The following PDE4D variants were observed in gnomAD, a reference collection of about 807,000 sequenced individuals.
The protein encoded by PDE4D is phosphodiesterase 4D.
Under a neutral mutation model 87.4 loss-of-function variants are expected in PDE4D, and 24 were observed. The observed-to-expected ratio is 0.27, with a 90% CI of 0.20 to 0.39. The LOEUF is 0.39. PDE4D is among the 10% of genes least tolerant of loss of function. PDE4D has a pLI of 1.00. For missense variants in PDE4D, 714 were observed against 1,041.0 expected (o/e 0.69, Z 4.32); for synonymous variants, 384 against 383.2 (o/e 1.00, Z -0.02).
intron 1 of PDE4D, among the ~76,000 whole-genome samples, chr5:59,737,376 C>T (rs1013023550): frequency 3.9e-5 from 6 of 151,936 alleles, no homozygotes; most frequent in South Asian, 4.1e-4. Flanking sequence ...GTAATTCATG[C>T]GTATTGGACA....
chr5:59,772,994 A>G (rs1763729679), intron 1 of PDE4D, among the ~76,000 whole-genome samples: 1 of 152,232 alleles, frequency 6.6e-6, no homozygotes, highest in East Asian at 1.9e-4. Context: ...AGCTATTGCA[A>G]AAGAATGCTA....
chr5:59,941,704 C>T lies in PDE4D; in HGVS notation c.272+46784G>A, dbSNP rs144046133. On this transcript the variant is annotated intron_variant, in intron 3 of 16. Coordinates refer to the PDE4D transcript ENST00000502484. ...TGGAGAGGTTCTTCCTGCATGACTG[C>T]ATGAAACTCCCACTCTAGGAGCTTA... Among the ~76,000 whole-genome samples the T allele has an allele frequency of 7.9e-3, 1,200 of 152,334 alleles. 15 individuals are homozygous for T. The highest frequency in any genetic ancestry group is 0.027 in the African/African-American group (1,140 of 41,564).
chr5:60,294,066 A>G (rs566172487), intron 1 of PDE4D, among the ~76,000 whole-genome samples: 3 of 152,326 alleles, frequency 2.0e-5, no homozygotes, highest in African/African-American at 7.2e-5. Context: ...GTAAGAGTTC[A>G]GTGGTTCTAA....
intron 1 of PDE4D, among the ~76,000 whole-genome samples, chr5:59,554,471 G>T (rs902418896): frequency 1.3e-5 from 2 of 152,094 alleles, no homozygotes; most frequent in East Asian, 3.9e-4. Context: ...TTTAACTCTA[G>T]ACTCTAAGCT....
intron 1 of PDE4D, among the ~76,000 whole-genome samples, chr5:60,497,397 T>G (rs889353389): frequency 2.0e-5 from 3 of 152,080 alleles, no homozygotes; most frequent in Non-Finnish European, 4.4e-5. Context: ...GTCTTTCTTT[T>G]TTTTTGTTTT....
intron 1 of PDE4D, among the ~76,000 whole-genome samples, chr5:59,860,169 A>C (rs1746046728): frequency 6.6e-6 from 1 of 152,160 alleles, no homozygotes; most frequent in South Asian, 2.1e-4. Context: ...AATGGCTCTC[A>C]TGGCTTTTTA....
chr5:59,913,103 T>C (rs918115093), intron 3 of PDE4D, among the ~76,000 whole-genome samples: 1 of 151,974 alleles, frequency 6.6e-6, no homozygotes, highest in African/African-American at 2.4e-5. Flanking sequence ...TGGTAAGCCA[T>C]TACAGGGAAA....
At chr5:60,460,199 A>C in intron 1 of PDE4D, 2 of 1,513,070 alleles carry the variant, frequency 1.3e-6, no homozygotes, top group South Asian at 1.1e-5. Flanking sequence ...CCAGATGAAC[A>C]TTTCATCAAA....
chr5:59,507,678 A>AG (rs1316700101), intron 1 of PDE4D, among the ~76,000 whole-genome samples: 1,832 of 148,552 alleles, frequency 0.012, 29 homozygotes, highest in African/African-American at 0.042. Flanking sequence ...AAAAAAAAAA[A>AG]AAAAAGAAAA....
chr5:59,616,939 A>ATATATATATATATATATATC (rs1487386117), intron 1 of PDE4D, among the ~76,000 whole-genome samples: 1 of 135,676 alleles, frequency 7.4e-6, no homozygotes, highest in Non-Finnish European at 1.6e-5. Context: ...ATATATATAT[A>ATATATATATATATATATATC]TATATATCTC....
intron 1 of PDE4D, among the ~76,000 whole-genome samples, chr5:60,443,141 T>C (rs1254432832): frequency 6.6e-6 from 1 of 152,130 alleles, no homozygotes; most frequent in Non-Finnish European, 1.5e-5. Flanking sequence ...GTTTCAAGTG[T>C]TATCAAGAGG....
At chr5:59,240,437 G>A (rs1757401435) in intron 1 of PDE4D, among the ~76,000 whole-genome samples, 1 of 152,104 alleles carries the variant, frequency 6.6e-6, no homozygotes, top group Non-Finnish European at 1.5e-5. Flanking sequence ...TTGCACCTGT[G>A]CTCACCCACT....
chr5:59,391,071 G>C (rs1788141150), intron 1 of PDE4D, among the ~76,000 whole-genome samples: 1 of 152,124 alleles, frequency 6.6e-6, no homozygotes, highest in South Asian at 2.1e-4. Flanking sequence ...CAGAGGAATA[G>C]AGATTTCCCA....
intron 2 of PDE4D, among the ~76,000 whole-genome samples, chr5:60,094,779 G>T (rs2149318104): frequency 6.6e-6 from 1 of 151,960 alleles, no homozygotes; most frequent in South Asian, 2.1e-4. Flanking sequence ...ACCTTGATTT[G>T]AGACTCCTAG....
intron 1 of PDE4D, among the ~76,000 whole-genome samples, chr5:59,679,197 G>A (rs1748618177): frequency 1.3e-5 from 2 of 152,100 alleles, no homozygotes; most frequent in South Asian, 4.1e-4. Context: ...CAATCAGGAA[G>A]GAACAATAAA....
Position 58,977,202 on chromosome 5 carries a change from C to T in PDE4D, c.1696G>A (p.Val566Ile), listed in dbSNP as rs777826248. 1 of 1,610,040 alleles carries T rather than the reference C, an allele frequency of 6.2e-7. No individual in the cohort carries two copies. Among genetic ancestry groups the T allele is most frequent in the Non-Finnish European group, 8.5e-7 (1 of 1,178,872 alleles). ...KKQRQSLRKMVIDIVLATDMS... is the reference protein window; with the variant it reads ...KKQRQSLRKMIIDIVLATDMS... ...TATCAGCTACTTACGATGTCAATGA[C>T]CATTTTCCTTAAAGATTGTCTTTGT... Residue 566 changes from valine to isoleucine, a missense_variant, in exon 12 of 15, where the codon GTC (valine) becomes ATC (isoleucine). By Grantham distance (29) the Val-to-Ile change is conservative. This residue lies in a region of PDE4D where 26 missense variants were observed against 96.9 expected (regional missense o/e 0.27). Transcript: ENST00000340635.
At position 60,469,151 on chromosome 5, in the gene PDE4D, AC is replaced by A. The variant is rs1747623514; in HGVS notation, c.-90+18790del. Among the ~76,000 whole-genome samples, 4 of 152,130 alleles carry A rather than the reference AC, an allele frequency of 2.6e-5. No homozygotes were observed. In the South Asian group the frequency reaches 8.3e-4, roughly 32 times the overall value. On this transcript the variant is annotated intron_variant, in intron 1 of 16. Transcript: ENST00000502484. The stretch of plus-strand genomic sequence containing the variant: ...GCATCTGTCCTCACCAAGCCAATGA[AC>A]CATTCTCACTATGGTCACTAAGAAA...
chr5:60,182,971 T>A (rs551051126), intron 2 of PDE4D, among the ~76,000 whole-genome samples: 1 of 151,842 alleles, frequency 6.6e-6, no homozygotes, highest in African/African-American at 2.4e-5. Context: ...TAACCCCCAA[T>A]GTGATGGTTT....
intron 1 of PDE4D, among the ~76,000 whole-genome samples, chr5:60,295,239 C>A (rs531005463): frequency 1.3e-5 from 2 of 152,182 alleles, no homozygotes; most frequent in African/African-American, 2.4e-5. Flanking sequence ...TGGTTCAAGT[C>A]CCCTTTATGG....
Sources: allele counts gnomAD v4.1 joint callset (sites outside exome capture counted in the v4.1 genomes callset), GRCh38; gene constraint gnomAD v4.1.1; regional missense constraint gnomAD v4.1.1; transcripts MANE v1.5; gene names NCBI Gene and HGNC (gene_info 2026-07-23, HGNC 2026-07-21).